Variants in LINGO2 observed in about 807,000 individuals in gnomAD.
The protein encoded by LINGO2 is leucine-rich repeat and immunoglobulin-like domain-containing nogo receptor-interacting protein 2.
LINGO2 carries 14 observed loss-of-function variants against 30.6 expected under a neutral mutation model. The observed-to-expected ratio is 0.46, with a 90% CI of 0.30 to 0.72. The LOEUF is 0.72. Among genes scored for constraint, LINGO2 ranks in the 30% least tolerant of loss-of-function variants. The probability of loss-of-function intolerance (pLI) is 0.07; values close to 1 mark genes in which losing one functional copy is unlikely to be tolerated. For missense variants in LINGO2, 729 were observed against 751.7 expected, an observed-to-expected ratio of 0.97 and a Z score of 0.35; for synonymous variants, 317 against 288.5, an observed-to-expected ratio of 1.10 and a Z score of -1.00.
chr9:28,009,373 A>G (rs1822438406), intron 5 of LINGO2, among the ~76,000 whole-genome samples: 1 of 151,960 alleles, frequency 6.6e-6, no homozygotes, highest in South Asian at 2.1e-4. Context: ...AAAAGATAAA[A>G]TGGGCTCTAT....
At chr9:28,492,241 C>G (rs16913210) in intron 1 of LINGO2, among the ~76,000 whole-genome samples, 1,805 of 152,264 alleles carry the variant, frequency 0.012, 30 homozygotes, top group African/African-American at 0.041. Flanking sequence ...TGGAATACAA[C>G]AATGTCTGAT....
the LINGO2 span, among the ~76,000 whole-genome samples, chr9:28,913,722 T>C: frequency 1.3e-5 from 2 of 152,174 alleles, no homozygotes; most frequent in African/African-American, 4.8e-5. Flanking sequence ...CTGATAATAC[T>C]TGTTGTTTTA....
chr9:29,154,357 G>A, the LINGO2 span, among the ~76,000 whole-genome samples: 2 of 151,556 alleles, frequency 1.3e-5, no homozygotes, highest in Admixed American at 1.3e-4. Context: ...GGCTGAGGCA[G>A]GAGAATGGCG....
At chr9:28,291,840 C>T (rs1823741676) in intron 4 of LINGO2, among the ~76,000 whole-genome samples, 1 of 151,962 alleles carries the variant, frequency 6.6e-6, no homozygotes, top group African/African-American at 2.4e-5. Flanking sequence ...CTTGTAGACC[C>T]AAGAAACTTG....
At chr9:28,108,066 T>C (rs931124322) in intron 4 of LINGO2, among the ~76,000 whole-genome samples, 1 of 152,118 alleles carries the variant, frequency 6.6e-6, no homozygotes, top group South Asian at 2.1e-4. Context: ...AGCAAAAAGC[T>C]AGCAGCACTG....
the LINGO2 span, among the ~76,000 whole-genome samples, chr9:28,960,131 G>T: frequency 1.3e-5 from 2 of 152,186 alleles, no homozygotes; most frequent in Non-Finnish European, 2.9e-5. Flanking sequence ...TTCTTGATAT[G>T]TGTAGGATTT....
chr9:29,037,935 C>A, the LINGO2 span, among the ~76,000 whole-genome samples: 4 of 151,880 alleles, frequency 2.6e-5, no homozygotes, highest in African/African-American at 4.8e-5. Flanking sequence ...GAAAAAATAT[C>A]ATTTCTCTAA....
chr9:28,918,481 T>C, the LINGO2 span, among the ~76,000 whole-genome samples: 1 of 152,172 alleles, frequency 6.6e-6, no homozygotes, highest in Non-Finnish European at 1.5e-5. Context: ...TTTTAATCCC[T>C]CCCATTCCTC....
At chr9:28,293,676 G>A (rs1823820406) in intron 4 of LINGO2, among the ~76,000 whole-genome samples, 1 of 151,964 alleles carries the variant, frequency 6.6e-6, no homozygotes. Flanking sequence ...AGAGAGGAAT[G>A]TTAACGTCTC....
chr9:28,586,814 T>A (rs561955551), intron 1 of LINGO2, among the ~76,000 whole-genome samples: 4 of 152,054 alleles, frequency 2.6e-5, no homozygotes, highest in Non-Finnish European at 5.9e-5. Flanking sequence ...TCTGCCCTAG[T>A]CCTAGACCCC....
chr9:28,375,089 AACACACACACACACACACACACACACAC>A (rs137914726), intron 2 of LINGO2, among the ~76,000 whole-genome samples: 58,730 of 141,780 alleles, frequency 0.41, 12,751 homozygotes, highest in Non-Finnish European at 0.48. Context: ...CACACCCCTT[AACACACACACACACACACACACACACAC>A]ACACACACAC....
the LINGO2 span, among the ~76,000 whole-genome samples, chr9:29,168,648 C>T: frequency 6.6e-6 from 1 of 152,188 alleles, no homozygotes; most frequent in South Asian, 2.1e-4. Flanking sequence ...GATGTGAAAC[C>T]TGGCACTTGT....
intron 4 of LINGO2, among the ~76,000 whole-genome samples, chr9:28,282,887 T>A (rs900671254): frequency 6.6e-6 from 1 of 152,188 alleles, no homozygotes; most frequent in Non-Finnish European, 1.5e-5. Context: ...ATTTCCAATA[T>A]TTGTACTGTA....
At chr9:28,905,220 A>T in the LINGO2 span, among the ~76,000 whole-genome samples, 1 of 151,762 alleles carries the variant, frequency 6.6e-6, no homozygotes, top group Non-Finnish European at 1.5e-5. Flanking sequence ...CTAGGAAATA[A>T]TATTTTGGAT....
At chr9:29,199,048 T>C in the LINGO2 span, among the ~76,000 whole-genome samples, 3 of 152,056 alleles carry the variant, frequency 2.0e-5, no homozygotes, top group Non-Finnish European at 4.4e-5. Context: ...TAATTTCTTG[T>C]TCAAGTATAA....
At chr9:28,485,363 C>A (rs1826130769) in intron 1 of LINGO2, among the ~76,000 whole-genome samples, 1 of 152,064 alleles carries the variant, frequency 6.6e-6, no homozygotes. Context: ...AGCTGTTTCT[C>A]TTGAAGAACC....
the LINGO2 span, among the ~76,000 whole-genome samples, chr9:28,916,025 A>C: frequency 6.6e-6 from 1 of 152,110 alleles, no homozygotes; most frequent in Non-Finnish European, 1.5e-5. Context: ...GGGCTTTCCA[A>C]AGTCAATCTG....
chr9:28,487,146 C>A (rs545980762), intron 1 of LINGO2, among the ~76,000 whole-genome samples: 1 of 152,216 alleles, frequency 6.6e-6, no homozygotes, highest in African/African-American at 2.4e-5. Flanking sequence ...ATTGTGGAGA[C>A]AGACATTGGT....
chr9:28,838,087 G>C, the LINGO2 span, among the ~76,000 whole-genome samples: 1 of 151,944 alleles, frequency 6.6e-6, no homozygotes, highest in East Asian at 1.9e-4. Context: ...GATACCCTAG[G>C]GGTCCACAGG....
Sources: gnomAD v4.1 joint callset for allele counts (sites outside exome capture counted in the v4.1 genomes callset) on GRCh38, gnomAD v4.1.1 for gene constraint, MANE v1.5 for transcripts, NCBI Gene and HGNC (gene_info 2026-07-23, HGNC 2026-07-21) for gene names.